Variants in PCSK6 observed in about 807,000 individuals in gnomAD.
PCSK6 encodes the protein paired basic amino acid cleaving enzyme 4.
A neutral mutation model predicts 123.3 loss-of-function variants in PCSK6; 85 were observed. The ratio of observed to expected loss-of-function variants is 0.69; its 90% confidence interval spans 0.58 to 0.83. PCSK6 has a LOEUF of 0.83. PCSK6 is among the 40% of genes least tolerant of loss of function. The pLI, the probability that PCSK6 is intolerant of heterozygous loss-of-function variation, is 0.00. For synonymous variants in PCSK6, 508 were observed against 516.0 expected (o/e 0.98, Z 0.21); for missense variants, 1,191 against 1,282.3 (o/e 0.93, Z 1.09).
At chr15:101,372,706 C>T (rs1283758747) in intron 11 of PCSK6, among the ~76,000 whole-genome samples, 5 of 152,088 alleles carry the variant, frequency 3.3e-5, no homozygotes, top group Non-Finnish European at 4.4e-5. Flanking sequence ...ACGTCTATGC[C>T]GGCAGACTTA....
chr15:101,352,741 A>C (rs943895724), intron 13 of PCSK6, among the ~76,000 whole-genome samples: 1 of 152,214 alleles, frequency 6.6e-6, no homozygotes, highest in Non-Finnish European at 1.5e-5. Context: ...ATCTGTGCCC[A>C]TTCTTTCAGA....
chr15:101,412,712 T>TATATATATATATATA (rs376981204), intron 6 of PCSK6, among the ~76,000 whole-genome samples: 3 of 136,366 alleles, frequency 2.2e-5, no homozygotes, highest in Non-Finnish European at 3.1e-5. Context: ...TATATATATA[T>TATATATATATATATA]AAAATTACCC....
At position 101,431,412 on chromosome 15, in the gene PCSK6, C is replaced by T; in HGVS notation, c.565G>A (p.Ala189Thr). 1.2e-6 allele frequency: 2 copies of T among 1,614,010 alleles called. No individual in the cohort carries two copies. Among genetic ancestry groups the T allele is most frequent in the Non-Finnish European group, 1.7e-6 (2 of 1,179,888 alleles). ...RCRSEMNVQA[A>T]WKRGYTGKNV... Reference sequence around the variant, plus strand: ...TTTCCTGTGTAGCCCCTCTTCCACGCTGCCTGGACATTCATTTCCGACCGG... The same window carrying T: ...TTTCCTGTGTAGCCCCTCTTCCACGTTGCCTGGACATTCATTTCCGACCGG... Residue 189 changes from alanine (A) to threonine (T), a missense_variant, in exon 4 of 22, where the codon GCG becomes ACG. Physicochemically the swap from Ala to Thr is moderately conservative, Grantham distance 58. Transcript: ENST00000611716.
chr15:101,445,781 G>A (rs1010697406), intron 1 of PCSK6, among the ~76,000 whole-genome samples: 8 of 152,232 alleles, frequency 5.3e-5, no homozygotes, highest in East Asian at 3.8e-4. Context: ...ATGGAGGAAC[G>A]AAGAGTTGAA....
At chr15:101,442,833 T>A (rs965712245) in intron 2 of PCSK6, among the ~76,000 whole-genome samples, 2 of 152,158 alleles carry the variant, frequency 1.3e-5, no homozygotes, top group African/African-American at 4.8e-5. Context: ...CTGTGACATA[T>A]CACATATTTT....
intron 3 of PCSK6, 83 bp from the exon 4 acceptor site, chr15:101,431,546 G>A (rs756854566): frequency 7.1e-6 from 11 of 1,557,874 alleles, no homozygotes; most frequent in Non-Finnish European, 9.7e-6. Flanking sequence ...CCCACAGGGA[G>A]GCGCTTAGGC....
rs1308288644 is a variant in PCSK6 at position 101,331,968 on chromosome 15, C to G, written c.1922G>C (p.Ser641Thr). 1 of 1,613,822 alleles carries G rather than the reference C, an allele frequency of 6.2e-7. No homozygotes were observed. Among genetic ancestry groups the G allele is most frequent in the Non-Finnish European group, 8.5e-7 (1 of 1,179,824 alleles). ...GTAEHPYHTFSAHQSRSRMLE... is the reference protein window; with the variant it reads ...GTAEHPYHTFTAHQSRSRMLE... ...CATCCGCGAGCGGGACTGATGGGCA[C>G]TGAAGGTGTGGTACGGGTGCTCTGC... Residue 641 changes from serine (S) to threonine (T), a missense_variant, in exon 14 of 22, where the codon AGT (serine) becomes ACT (threonine). Coordinates refer to ENST00000611716, the MANE Select transcript of PCSK6 (RefSeq NM_002570.5).
At chr15:101,435,154 T>C (rs1025429449) in intron 2 of PCSK6, among the ~76,000 whole-genome samples, 2 of 152,050 alleles carry the variant, frequency 1.3e-5, no homozygotes, top group African/African-American at 4.8e-5. Flanking sequence ...AGGAGCCACC[T>C]GGACACTCTG....
chr15:101,398,654 C>A lies in PCSK6; in HGVS notation c.824-78G>T, dbSNP rs1013074598. The A allele has an allele frequency of 6.8e-7, 1 of 1,474,132 alleles. No homozygotes were observed. The highest frequency in any genetic ancestry group is 9.2e-7 in the Non-Finnish European group (1 of 1,085,412). The allele number at this position is 1,474,132 out of a possible 1,614,324, so 91.3% of individuals were successfully genotyped here. Reference sequence around the variant, plus strand: ...GACGGGAACCCGGGCCCAGGAGGCTCGGATGAGGACACCGCATCACAGAGT... The same window carrying A: ...GACGGGAACCCGGGCCCAGGAGGCTAGGATGAGGACACCGCATCACAGAGT... On this transcript the variant is annotated intron_variant, in intron 6 of 21. Coordinates refer to ENST00000611716, the MANE Select transcript of PCSK6 (RefSeq NM_002570.5). The surrounding 1 kb of genome is among the most constrained non-coding windows in gnomAD (Gnocchi z 4.6).
At chr15:101,361,956 CTTT>C (rs10639429) in intron 13 of PCSK6, among the ~76,000 whole-genome samples, 2 of 111,492 alleles carry the variant, frequency 1.8e-5, no homozygotes, top group Admixed American at 9.9e-5. Context: ...CAAGGTGAAG[CTTT>C]TTTTTTTTTT....
chr15:101,352,952 T>G (rs1480872699), intron 13 of PCSK6, among the ~76,000 whole-genome samples: 1 of 152,230 alleles, frequency 6.6e-6, no homozygotes, highest in East Asian at 1.9e-4. Context: ...TCTACTGCAG[T>G]GGTTCCCAAC....
At chr15:101,420,998 G>A (rs2056066965) in intron 6 of PCSK6, among the ~76,000 whole-genome samples, 1 of 152,190 alleles carries the variant, frequency 6.6e-6, no homozygotes, top group African/African-American at 2.4e-5. Flanking sequence ...CCAGGCTGGA[G>A]TGCAGTGGCA....
At chr15:101,484,359 T>C (rs1020566086) in intron 1 of PCSK6, among the ~76,000 whole-genome samples, 1 of 152,156 alleles carries the variant, frequency 6.6e-6, no homozygotes. Context: ...ATTAATACAG[T>C]ATTGCTTTGT....
rs1432708727 is a variant in PCSK6 at position 101,312,997 on chromosome 15, T to C, written c.2699+379A>G. The C allele has an allele frequency of 6.0e-6, 7 of 1,157,846 alleles. No homozygotes were observed. In the Admixed American group the frequency reaches 2.8e-4, roughly 46 times the overall value. The allele number at this position is 1,157,846 out of a possible 1,614,324, so 71.7% of individuals were successfully genotyped here. A position where few individuals can be genotyped will look rare whatever the true frequency, so the allele number is the denominator to read the frequency against. The stretch of plus-strand genomic sequence containing the variant: ...TCCAGCCTGGGCGACAGAGTGAGAG[T>C]GTGTCTCCAAAAAAATTTTTTTTTA... On this transcript the variant is annotated intron_variant, in intron 20 of 21. Coordinates refer to ENST00000611716, the MANE Select transcript of PCSK6 (RefSeq NM_002570.5).
At chr15:101,412,441 C>T (rs7180564) in intron 6 of PCSK6, among the ~76,000 whole-genome samples, 71,464 of 151,366 alleles carry the variant, frequency 0.47, 17,456 homozygotes, top group African/African-American at 0.58. Context: ...TAAGGATATA[C>T]TAGTTGTATA....
rs570693273 is a variant in PCSK6, at chr15:101,360,528, C to T, written c.1858+5668G>A. Among the ~76,000 whole-genome samples the T allele has an allele frequency of 1.6e-4, 19 of 119,020 alleles. 1 individual carries two copies. The South Asian group carries it at 4.2e-3, about 26-fold the overall frequency. 78.1% of individuals were successfully genotyped at this position (119,020 alleles called of 152,430 possible). A position where few individuals can be genotyped will look rare whatever the true frequency, so the allele number is the denominator to read the frequency against. On this transcript the variant is annotated intron_variant, in intron 13 of 21. Coordinates refer to ENST00000611716, the MANE Select transcript of PCSK6 (RefSeq NM_002570.5). ...AGCATCCCCTGGAACACACCAGACA[C>T]ACTCCTGCCCGGGGGCCTTAGCATC...
At position 101,434,753 on chromosome 15, in the gene PCSK6, T is replaced by C. The variant is rs900476662; in HGVS notation, c.403-2653A>G. Reference sequence around the variant, plus strand: ...CTGACCAGGCGTGGGGGCTTCTCCGTGGAGACGGGATGCAGGCAGACAGCG... The same window carrying C: ...CTGACCAGGCGTGGGGGCTTCTCCGCGGAGACGGGATGCAGGCAGACAGCG... On this transcript the variant is annotated intron_variant, in intron 2 of 21. Transcript: ENST00000611716. Among the ~76,000 whole-genome samples the C allele has an allele frequency of 4.6e-5, 7 of 152,254 alleles. No individual in the cohort carries two copies. In the East Asian group the frequency reaches 1.4e-3, roughly 29 times the overall value.
intron 20 of PCSK6, among the ~76,000 whole-genome samples, chr15:101,312,770 T>A (rs952098153): frequency 6.6e-6 from 1 of 152,048 alleles, no homozygotes; most frequent in Non-Finnish European, 1.5e-5. Flanking sequence ...AGGCGGAGCT[T>A]GCAATGAGCC....
intron 15 of PCSK6, among the ~76,000 whole-genome samples, chr15:101,327,681 G>C (rs2040287470): frequency 6.6e-6 from 1 of 152,178 alleles, no homozygotes; most frequent in African/African-American, 2.4e-5. Flanking sequence ...CTCATTCTCT[G>C]CTGCCCACAG....
Sources: allele counts gnomAD v4.1 joint callset (sites outside exome capture counted in the v4.1 genomes callset), GRCh38; gene constraint gnomAD v4.1.1; non-coding constraint Gnocchi (gnomAD v3.1); transcripts MANE v1.5; gene names NCBI Gene and HGNC (gene_info 2026-07-23, HGNC 2026-07-21).